MYO5C: variants seen among roughly 807,000 people sequenced by gnomAD.
MYO5C encodes unconventional myosin-Vc.
Under a neutral mutation model 235.7 loss-of-function variants are expected in MYO5C, and 194 were observed. The observed-to-expected ratio is 0.82, with a 90% CI of 0.73 to 0.93. MYO5C has a LOEUF of 0.93. Among genes scored for constraint, MYO5C ranks in the 40% least tolerant of loss-of-function variants. The pLI, the probability that MYO5C is intolerant of heterozygous loss-of-function variation, is 0.00. For synonymous variants in MYO5C, 707 were observed against 754.8 expected, an observed-to-expected ratio of 0.94 and a Z score of 1.04; for missense variants, 2,038 against 2,127.2, an observed-to-expected ratio of 0.96 and a Z score of 0.82.
intron 26 of MYO5C, 29 bp from the exon 27 acceptor site, chr15:52,225,167 T>A (rs1276675681): frequency 6.2e-7 from 1 of 1,610,782 alleles, no homozygotes; most frequent in Non-Finnish European, 8.5e-7. Flanking sequence ...GTTGTATATA[T>A]TACATTTGTG....
chr15:52,294,569 A>G (rs2037459209), intron 1 of MYO5C, among the ~76,000 whole-genome samples: 1 of 152,266 alleles, frequency 6.6e-6, no homozygotes, highest in Non-Finnish European at 1.5e-5. Flanking sequence ...CTTTTAAAGT[A>G]GAAAGCTAGA....
At chr15:52,279,798 TA>T (rs2037129095) in intron 2 of MYO5C, 124 bp from the exon 3 acceptor site, 1 of 901,892 alleles carries the variant, frequency 1.1e-6, no homozygotes, top group African/African-American at 1.7e-5. Flanking sequence ...AAAGCAAATG[TA>T]CTTATAGCAA....
At position 52,205,944 on chromosome 15, in the gene MYO5C, G is replaced by A; in HGVS notation, c.4409C>T (p.Pro1470Leu). Reference sequence around the variant, plus strand: ...GTTCAAGCAATTCTTATTCTGCTGTGGACTATTATGCTTCATGAATTCCTA... The same window carrying A: ...GTTCAAGCAATTCTTATTCTGCTGTAGACTATTATGCTTCATGAATTCCTA... ...GEEEFMKHNS[P>L]QQNKNCLNNF... Residue 1470 changes from proline to leucine, a missense_variant, in exon 37 of 41, where the codon CCA becomes CTA. Transcript: ENST00000261839. The A allele has an allele frequency of 6.3e-7, 1 of 1,580,928 alleles. No homozygotes were observed. Among genetic ancestry groups the A allele is most frequent in the East Asian group, 2.3e-5 (1 of 44,310 alleles).
At chr15:52,195,505 CTG>C in intron 39 of MYO5C, 48 bp from the exon 40 acceptor site, 1 of 1,302,096 alleles carries the variant, frequency 7.7e-7, no homozygotes, top group Non-Finnish European at 1.1e-6. Flanking sequence ...AATAATAACT[CTG>C]TTCATAAAAT....
At chr15:52,238,605 C>A (rs1179570622) in intron 21 of MYO5C, among the ~76,000 whole-genome samples, 7 of 152,200 alleles carry the variant, frequency 4.6e-5, no homozygotes, top group Non-Finnish European at 7.3e-5. Context: ...TCCCCACCAA[C>A]TGAGAGCATA....
chr15:52,227,733 G>C (rs1047627393), intron 25 of MYO5C, among the ~76,000 whole-genome samples: 1 of 152,138 alleles, frequency 6.6e-6, no homozygotes, highest in African/African-American at 2.4e-5. Context: ...TCCTGATCAT[G>C]TGGTCTGACC....
rs1317337313 is a variant in MYO5C at position 52,279,386 on chromosome 15, C to A, written c.304+123G>T. 11 of 986,596 alleles carry A rather than the reference C, an allele frequency of 1.1e-5. No individual in the cohort carries two copies. The South Asian group carries it at 2.2e-4, about 20-fold the overall frequency. The allele number at this position is 986,596 out of a possible 1,614,324, so 61.1% of individuals were successfully genotyped here. On this transcript the variant is annotated intron_variant, in intron 3 of 40. Transcript: ENST00000261839. ...AGTTCTTGTTGAAGATTCTCCCCAC[C>A]CAGACACTTCTTTTTACAACAAACT... is the stretch of plus-strand genomic sequence containing the variant.
chr15:52,278,210 A>G (rs1157231589), intron 4 of MYO5C, among the ~76,000 whole-genome samples: 2 of 152,200 alleles, frequency 1.3e-5, no homozygotes, highest in African/African-American at 2.4e-5. Context: ...TTATGGGAAA[A>G]ATAAACTAGA....
Position 52,275,569 on chromosome 15 carries a change from A to G in MYO5C, c.599T>C (p.Ile200Thr). 1.2e-6 allele frequency: 2 copies of G among 1,614,170 alleles called. No homozygotes were observed. Among genetic ancestry groups the G allele is most frequent in the Non-Finnish European group, 1.7e-6 (2 of 1,180,034 alleles). Residue 200 changes from isoleucine to threonine, a missense_variant, in exon 5 of 41, where the codon ATC becomes ACC. Ile to Thr is a moderately conservative substitution (Grantham distance 89). Coordinates refer to ENST00000261839, the MANE Select transcript of MYO5C (RefSeq NM_018728.4). ...TTCCGCAGTGGTACGCACCTCGGTG[A>G]TGGGATTGGATGCCAGGACCTTGTC... Reference protein sequence around the residue: ...VEDKVLASNPITEAVGNAKTT... With the variant: ...VEDKVLASNPTTEAVGNAKTT...
chr15:52,254,913 ATTAATG>A (rs1259037067), intron 11 of MYO5C, among the ~76,000 whole-genome samples: 1 of 151,902 alleles, frequency 6.6e-6, no homozygotes, highest in Non-Finnish European at 1.5e-5. Flanking sequence ...AGCTGTAGTT[ATTAATG>A]TTAAACTTCC....
chr15:52,282,540 G>A (rs1180682467), intron 2 of MYO5C, among the ~76,000 whole-genome samples: 1 of 152,240 alleles, frequency 6.6e-6, no homozygotes, highest in African/African-American at 2.4e-5. Flanking sequence ...CCTGGCTCCT[G>A]CAGCTGGGCC....
chr15:52,284,839 CTTTTT>C (rs367736735), intron 1 of MYO5C, among the ~76,000 whole-genome samples: 6 of 141,298 alleles, frequency 4.2e-5, no homozygotes, highest in African/African-American at 1.0e-4. Flanking sequence ...TTCTTTCTTT[CTTTTT>C]TTTTTTTTTT....
At chr15:52,270,550 A>C (rs1317283272) in intron 7 of MYO5C, among the ~76,000 whole-genome samples, 1 of 151,918 alleles carries the variant, frequency 6.6e-6, no homozygotes, top group Admixed American at 6.6e-5. Flanking sequence ...AACCATTAGC[A>C]CAATCCGGAT....
Position 52,216,201 on chromosome 15 carries a change from AATT to A in MYO5C, c.3955-1514_3955-1512del, listed in dbSNP as rs139895969. On this transcript the variant is annotated intron_variant, in intron 32 of 40. Coordinates refer to ENST00000261839, the MANE Select transcript of MYO5C (RefSeq NM_018728.4). ...TCTCCAGCAGCATAAGATCTCTATT[AATT>A]ATTATTATTATTAGTAGTAGTATTT... Among the ~76,000 whole-genome samples the A allele has an allele frequency of 9.5e-3, 1,439 of 152,098 alleles. 24 individuals carry two copies. The highest frequency in any genetic ancestry group is 0.033 in the African/African-American group (1,388 of 41,470).
rs1687895657 is a variant in MYO5C, at chr15:52,251,398, C to T, written c.1654G>A (p.Ala552Thr). The change falls in exon 13 of 41, where the codon GCT (alanine) becomes ACT (threonine). Residue 552 changes from alanine (A) to threonine (T), a missense_variant. Coordinates refer to ENST00000261839, the MANE Select transcript of MYO5C (RefSeq NM_018728.4). ...SNTSFVIQHF[A>T]DKVEYKCEGF... is the part of the protein sequence containing the mutation. ...GGAGACCTTCACGGTACCTTATCAG[C>T]AAAGTGCTGGATGACAAAGGATGTG... The T allele has an allele frequency of 6.3e-7, 1 of 1,595,052 alleles. No homozygotes were observed. Among genetic ancestry groups the T allele is most frequent in the Non-Finnish European group, 8.6e-7 (1 of 1,169,190 alleles).
chr15:52,224,861 C>T (rs1445420525), intron 28 of MYO5C, 40 bp downstream of exon 28: 2 of 1,537,398 alleles, frequency 1.3e-6, no homozygotes, highest in Non-Finnish European at 1.8e-6. Flanking sequence ...TATTTATTAT[C>T]TCTGAAAAAT....
Position 52,196,331 on chromosome 15 carries a change from C to T in MYO5C, c.4973G>A (p.Cys1658Tyr). The stretch of plus-strand genomic sequence containing the variant: ...CACCTGCACAGCAGACAGTGAGGTG[C>T]AGCGTTCGTAGATCTCCTTGGCATC... ...DSDAKEIYER[C>Y]TSLSAVQIIK... Residue 1658 changes from cysteine to tyrosine, a missense_variant, in exon 39 of 41, where the codon TGC (cysteine) becomes TAC (tyrosine). Coordinates refer to ENST00000261839, the MANE Select transcript of MYO5C (RefSeq NM_018728.4). 1.9e-6 allele frequency: 3 copies of T among 1,612,000 alleles called. No homozygotes were observed. Among genetic ancestry groups the T allele is most frequent in the Non-Finnish European group, 2.5e-6 (3 of 1,179,340 alleles).
intron 1 of MYO5C, among the ~76,000 whole-genome samples, chr15:52,285,108 C>T (rs1300510196): frequency 5.3e-5 from 8 of 152,176 alleles, no homozygotes; most frequent in Non-Finnish European, 1.0e-4. Context: ...TGGCTCACAC[C>T]TGTAATCCCA....
chr15:52,218,385 T>C (rs2035601071), intron 32 of MYO5C, 134 bp downstream of exon 32: 2 of 919,662 alleles, frequency 2.2e-6, no homozygotes, highest in Non-Finnish European at 1.6e-6. Flanking sequence ...TCTTTTGGGA[T>C]AAGAAAACAG....
Sources: allele counts gnomAD v4.1 joint callset (sites outside exome capture counted in the v4.1 genomes callset), GRCh38; gene constraint gnomAD v4.1.1; transcripts MANE v1.5; gene names NCBI Gene and HGNC (gene_info 2026-07-23, HGNC 2026-07-21).